The following CDH12 variants were observed in gnomAD, a reference collection of about 807,000 sequenced individuals.
CDH12 encodes cadherin-12.
Under a neutral mutation model 74.1 loss-of-function variants are expected in CDH12, and 41 were observed. The ratio of observed to expected loss-of-function variants is 0.55; its 90% CI spans 0.43 to 0.72. CDH12 has a LOEUF of 0.72. Ranked by LOEUF, CDH12 falls within the 30% of genes least tolerant of loss-of-function variation. The pLI, the probability that CDH12 is intolerant of heterozygous loss-of-function variation, is 0.00. For synonymous variants in CDH12, 399 were observed against 355.0 expected (o/e 1.12, Z -1.39); for missense variants, 945 against 977.2 (o/e 0.97, Z 0.44).
intron 7 of CDH12, among the ~76,000 whole-genome samples, chr5:21,846,873 A>G (rs1750200918): frequency 6.6e-6 from 1 of 152,170 alleles, no homozygotes. Context: ...TAGACAGCAT[A>G]TGACAAAAAA....
intron 1 of CDH12, among the ~76,000 whole-genome samples, chr5:22,842,966 A>AT (rs1271696869): frequency 6.6e-6 from 1 of 151,984 alleles, no homozygotes; most frequent in Non-Finnish European, 1.5e-5. Flanking sequence ...AGGCAGGTGC[A>AT]TTTTTTTGGT....
Position 21,893,971 on chromosome 5 carries a change from AT to A in CDH12, c.527-39182del, listed in dbSNP as rs1753006773. 2.0e-5 allele frequency among the ~76,000 whole-genome samples: 3 copies of A among 152,224 alleles called. No homozygotes were observed. In the South Asian group the frequency reaches 6.2e-4, roughly 32 times the overall value. Reference sequence around the variant, plus strand: ...TAATTAATTATTCGCTGAAGAAACCATTTACAGTATTTAACGCCTGCAAGAG... The same window carrying A: ...TAATTAATTATTCGCTGAAGAAACCATTACAGTATTTAACGCCTGCAAGAG... On this transcript the variant is annotated intron_variant, in intron 6 of 14. Transcript: ENST00000382254.
At chr5:22,135,989 T>C (rs1414406022) in intron 4 of CDH12, among the ~76,000 whole-genome samples, 1 of 151,980 alleles carries the variant, frequency 6.6e-6, no homozygotes, top group Admixed American at 6.6e-5. Flanking sequence ...ACAGTACCTA[T>C]TATGGTCCAG....
At chr5:22,647,417 A>G (rs1739501828) in intron 1 of CDH12, among the ~76,000 whole-genome samples, 2 of 151,862 alleles carry the variant, frequency 1.3e-5, no homozygotes, top group Admixed American at 1.3e-4. Flanking sequence ...GTATGCCATA[A>G]CAAAATACAG....
intron 3 of CDH12, among the ~76,000 whole-genome samples, chr5:22,357,639 A>C (rs1185130767): frequency 6.6e-6 from 1 of 152,172 alleles, no homozygotes; most frequent in Non-Finnish European, 1.5e-5. Flanking sequence ...TGATATAAGA[A>C]AGTTCTCTAT....
intron 2 of CDH12, among the ~76,000 whole-genome samples, chr5:22,502,828 A>G (rs1736229635): frequency 6.6e-6 from 1 of 152,156 alleles, no homozygotes. Context: ...ATTCTTCTGG[A>G]TTTATCTGCC....
chr5:22,551,800 G>T (rs1031114256), intron 1 of CDH12, among the ~76,000 whole-genome samples: 1 of 152,002 alleles, frequency 6.6e-6, no homozygotes, highest in African/African-American at 2.4e-5. Flanking sequence ...AATAGATAAG[G>T]CTAGCAATCC....
intron 2 of CDH12, among the ~76,000 whole-genome samples, chr5:22,424,541 G>A (rs1743809251): frequency 6.6e-6 from 1 of 152,116 alleles, no homozygotes; most frequent in South Asian, 2.1e-4. Flanking sequence ...GAACTTACCA[G>A]CCTTCAGAAT....
At chr5:22,620,979 G>C (rs1256045187) in intron 1 of CDH12, among the ~76,000 whole-genome samples, 2 of 152,136 alleles carry the variant, frequency 1.3e-5, no homozygotes, top group East Asian at 3.9e-4. Context: ...TGCCTTCACA[G>C]AGTTCTGGAG....
chr5:22,008,754 G>T (rs1436130639), intron 5 of CDH12, among the ~76,000 whole-genome samples: 1 of 152,096 alleles, frequency 6.6e-6, no homozygotes, highest in East Asian at 1.9e-4. Context: ...GGGTTTGCAT[G>T]TCCCAGATAT....
chr5:22,667,058 A>G (rs561556141), intron 1 of CDH12, among the ~76,000 whole-genome samples: 1 of 152,306 alleles, frequency 6.6e-6, no homozygotes, highest in South Asian at 2.1e-4. Flanking sequence ...TGCACACATT[A>G]GTCCTTCTAC....
intron 5 of CDH12, among the ~76,000 whole-genome samples, chr5:22,063,419 A>G (rs1031505015): frequency 1.3e-5 from 2 of 152,128 alleles, no homozygotes; most frequent in Non-Finnish European, 2.9e-5. Flanking sequence ...ACAATAATGA[A>G]TCAATTTGAT....
chr5:22,382,578 G>C (rs552391289), intron 3 of CDH12, among the ~76,000 whole-genome samples: 2 of 151,836 alleles, frequency 1.3e-5, no homozygotes, highest in Non-Finnish European at 2.9e-5. Context: ...TATTAATGAT[G>C]TCTCCTCTAC....
At chr5:21,953,482 T>G (rs1391756970) in intron 6 of CDH12, among the ~76,000 whole-genome samples, 1 of 152,192 alleles carries the variant, frequency 6.6e-6, no homozygotes, top group African/African-American at 2.4e-5. Context: ...TTTGACAGAA[T>G]TTGTTTTTTG....
chr5:22,219,640 T>C (rs1032809606), intron 3 of CDH12, among the ~76,000 whole-genome samples: 10 of 151,814 alleles, frequency 6.6e-5, no homozygotes, highest in African/African-American at 2.4e-4. Flanking sequence ...CTACCTTCTG[T>C]ACATCAAATA....
In CDH12 at chr5:22,272,575, T is replaced by G. The variant is rs1029223171; in HGVS notation, c.-332-59932A>C. Among the ~76,000 whole-genome samples the G allele has an allele frequency of 1.3e-4, 20 of 152,334 alleles. No individual in the cohort carries two copies. The East Asian group carries it at 3.9e-3, about 29-fold the overall frequency. ...GCCTTTCTCATTAAGCTTAACCATTTCTAGCTTTTCATTTAAGGTGTGAGA... is the reference window on the plus strand; with the variant it reads ...GCCTTTCTCATTAAGCTTAACCATTGCTAGCTTTTCATTTAAGGTGTGAGA... On this transcript the variant is annotated intron_variant, in intron 3 of 14. Transcript: ENST00000382254.
chr5:22,012,071 T>A (rs1265284069), intron 5 of CDH12, among the ~76,000 whole-genome samples: 1 of 152,122 alleles, frequency 6.6e-6, no homozygotes, highest in Admixed American at 6.5e-5. Flanking sequence ...TACTCTTATA[T>A]AATTAAAATA....
chr5:22,108,487 G>A (rs1037476009), intron 4 of CDH12, among the ~76,000 whole-genome samples: 2 of 152,222 alleles, frequency 1.3e-5, no homozygotes, highest in African/African-American at 4.8e-5. Context: ...GGTATACTCT[G>A]GAATGATTGT....
intron 3 of CDH12, among the ~76,000 whole-genome samples, chr5:22,356,805 A>T (rs1267796747): frequency 6.6e-6 from 1 of 152,146 alleles, no homozygotes; most frequent in Non-Finnish European, 1.5e-5. Flanking sequence ...TCTTGGTAAG[A>T]TGAACTGTGT....
Sources: allele counts gnomAD v4.1 joint callset (sites outside exome capture counted in the v4.1 genomes callset), GRCh38; gene constraint gnomAD v4.1.1; transcripts MANE v1.5; gene names NCBI Gene and HGNC (gene_info 2026-07-23, HGNC 2026-07-21).